The following SHANK2 variants were observed in gnomAD, a reference collection of about 807,000 sequenced individuals.
The protein encoded by SHANK2 is SH3 and multiple ankyrin repeat domains protein 2.
A neutral mutation model predicts 133.7 loss-of-function variants in SHANK2; 43 were observed. The ratio of observed to expected loss-of-function variants is 0.32; its 90% confidence interval spans 0.25 to 0.41. The LOEUF (loss-of-function observed/expected upper bound fraction) is 0.41, where lower values mean the gene tolerates loss of function less well. SHANK2 is among the 10% of genes least tolerant of loss of function. The pLI is 1.00. For missense variants in SHANK2, 1,994 were observed against 2,235.8 expected (o/e 0.89, Z 2.18); for synonymous variants, 1,017 against 952.8 (o/e 1.07, Z -1.24).
chr11:70,904,992 G>A lies in SHANK2; in HGVS notation c.1108-8425C>T, dbSNP rs147334951. ...TCTCAGGTATGTCTTTATCGGCAGC[G>A]TGAAAATGGACTAATACAGTGGGGA... On this transcript the variant is annotated intron_variant, in intron 10 of 25. Transcript: ENST00000601538. 2.8e-4 allele frequency among the ~76,000 whole-genome samples: 42 copies of A among 152,248 alleles called. No individual in the cohort carries two copies. In the East Asian group the frequency reaches 6.8e-3, roughly 25 times the overall value.
chr11:70,569,379 G>T lies in SHANK2; in HGVS notation c.2062-66448C>A, dbSNP rs186323766. On this transcript the variant is annotated intron_variant, in intron 17 of 25. Transcript: ENST00000601538. This position sits in a 1 kb window ranked among gnomAD's most constrained non-coding sequence, Gnocchi z 5.1. ...CCCCGGTTTCCAGGTGCGGTGGAGCGGGGAGCTCCGGGGCTGGCAGAGTGA... is the reference window on the plus strand; with the variant it reads ...CCCCGGTTTCCAGGTGCGGTGGAGCTGGGAGCTCCGGGGCTGGCAGAGTGA... Among the ~76,000 whole-genome samples, 2 of 152,172 alleles carry T rather than the reference G, an allele frequency of 1.3e-5. No homozygotes were observed. The highest frequency in any genetic ancestry group is 4.8e-5 in the African/African-American group (2 of 41,446).
In SHANK2 at chr11:70,749,334, T is replaced by G. The variant is rs1555036972; in HGVS notation, c.1777+49109A>C. ...CATGTGTAGGACAGGCACAAAGGAG[T>G]GGAGCAAAAGCTTAAATGAGTGATC... On this transcript the variant is annotated intron_variant, in intron 14 of 25. Transcript: ENST00000601538. Among the ~76,000 whole-genome samples the G allele has an allele frequency of 2.0e-5, 3 of 151,988 alleles. No individual in the cohort carries two copies. In the East Asian group the frequency reaches 5.8e-4, roughly 29 times the overall value.
intron 2 of SHANK2, among the ~76,000 whole-genome samples, chr11:71,161,683 T>C (rs533577687): frequency 2.6e-5 from 4 of 152,236 alleles, no homozygotes; most frequent in Admixed American, 1.3e-4. Flanking sequence ...CTTTGTGTTG[T>C]CCCACCTTTT....
intron 11 of SHANK2, among the ~76,000 whole-genome samples, chr11:70,893,713 C>T (rs1555075163): frequency 6.6e-6 from 1 of 152,158 alleles, no homozygotes; most frequent in Non-Finnish European, 1.5e-5. Context: ...TATAGATTTT[C>T]TAAACTATCC....
intron 2 of SHANK2, among the ~76,000 whole-genome samples, chr11:71,213,782 T>C (rs1187464783): frequency 6.6e-6 from 1 of 152,162 alleles, no homozygotes; most frequent in African/African-American, 2.4e-5. Context: ...GCCTTTCTGA[T>C]AAGCAAACTG....
chr11:70,529,015 G>A (rs1554972686), intron 17 of SHANK2, among the ~76,000 whole-genome samples: 2 of 152,134 alleles, frequency 1.3e-5, no homozygotes, highest in Admixed American at 6.5e-5. Flanking sequence ...GATGATGGGG[G>A]CAGATCATGG....
chr11:71,098,041 C>T (rs1427025766), intron 6 of SHANK2, among the ~76,000 whole-genome samples: 2 of 143,162 alleles, frequency 1.4e-5, no homozygotes, highest in Admixed American at 1.4e-4. Flanking sequence ...CCTGTGTGTG[C>T]ATGTGTGCAT....
At chr11:70,815,804 A>C (rs573481598) in intron 12 of SHANK2, among the ~76,000 whole-genome samples, 1 of 152,258 alleles carries the variant, frequency 6.6e-6, no homozygotes, top group African/African-American at 2.4e-5. Context: ...GCTGGTTCTG[A>C]CCACACTGCC....
intron 3 of SHANK2, among the ~76,000 whole-genome samples, chr11:71,138,808 G>GA (rs1555105263): frequency 1.5e-5 from 2 of 135,854 alleles, no homozygotes; most frequent in African/African-American, 6.2e-5. Flanking sequence ...AAAAAAAAAA[G>GA]AAAAGAAAAA....
rs1347463232 is a variant in SHANK2 at position 71,170,642 on chromosome 11, C to T, written c.-12-23304G>A. ...TCCGCTGGTGCTCCTTGCCCAGACCCCAAATAGTAGGGACCGGCTGGCAAG... is the reference window on the plus strand; with the variant it reads ...TCCGCTGGTGCTCCTTGCCCAGACCTCAAATAGTAGGGACCGGCTGGCAAG... On this transcript the variant is annotated intron_variant, in intron 2 of 25. Coordinates refer to ENST00000601538, the MANE Select transcript of SHANK2 (RefSeq NM_012309.5). Among the ~76,000 whole-genome samples the T allele has an allele frequency of 2.0e-5, 3 of 152,112 alleles. No homozygotes were observed. The East Asian group carries it at 5.8e-4, about 29-fold the overall frequency.
chr11:70,656,834 G>A (rs1334840997), intron 17 of SHANK2, among the ~76,000 whole-genome samples: 1 of 152,086 alleles, frequency 6.6e-6, no homozygotes, highest in Non-Finnish European at 1.5e-5. Context: ...GTCAACCAAG[G>A]AACAAAAACA....
At chr11:71,166,814 C>T (rs1209539521) in intron 2 of SHANK2, among the ~76,000 whole-genome samples, 11 of 146,008 alleles carry the variant, frequency 7.5e-5, no homozygotes, top group African/African-American at 2.8e-4. Flanking sequence ...TTTAATTGAT[C>T]ATTCTTGGGT....
Position 70,820,462 on chromosome 11 carries a change from C to G in SHANK2, c.1395G>C (p.Gly465=). 1 of 716,508 alleles carries G rather than the reference C, an allele frequency of 1.4e-6. No homozygotes were observed. Among genetic ancestry groups the G allele is most frequent in the Non-Finnish European group, 2.6e-6 (1 of 384,422 alleles). The allele number at this position is 716,508 out of a possible 1,614,324, so 44.4% of individuals were successfully genotyped here. The change falls in exon 12 of 26, where the codon GGG becomes GGC. Residue 465 remains glycine (G), a synonymous_variant. Coordinates refer to ENST00000601538, the MANE Select transcript of SHANK2 (RefSeq NM_012309.5). ...GGCTGCGGGGCCCGGGCACGTAGCT[C>G]CCAATGGTCTTCGCGGCCCCCTCGG... ...SKPEGAAKTI[G]SYVPGPRSRS...
intron 12 of SHANK2, among the ~76,000 whole-genome samples, chr11:70,811,855 CCCATCCAT>C (rs1312967778): frequency 6.6e-6 from 1 of 152,162 alleles, no homozygotes; most frequent in Non-Finnish European, 1.5e-5. Flanking sequence ...TACCCATCCA[CCCATCCAT>C]CTTATCATTT....
At chr11:71,232,185 A>T (rs1954752318) in intron 1 of SHANK2, among the ~76,000 whole-genome samples, 1 of 152,170 alleles carries the variant, frequency 6.6e-6, no homozygotes, top group South Asian at 2.1e-4. Flanking sequence ...AATTACAGAG[A>T]TGGAGAACAG....
chr11:70,696,431 G>C (rs923540650), intron 15 of SHANK2, among the ~76,000 whole-genome samples: 3 of 152,128 alleles, frequency 2.0e-5, no homozygotes, highest in African/African-American at 4.8e-5. Flanking sequence ...TCCTATCACA[G>C]TGTGATAGGC....
chr11:70,811,529 C>T (rs1224939391), intron 12 of SHANK2, among the ~76,000 whole-genome samples: 1 of 152,036 alleles, frequency 6.6e-6, no homozygotes, highest in Non-Finnish European at 1.5e-5. Context: ...ATCCATCCAC[C>T]CACCCACTCA....
intron 17 of SHANK2, chr11:70,635,111 A>G (rs1453624696): frequency 1.3e-5 from 2 of 152,228 alleles, no homozygotes; most frequent in African/African-American, 4.8e-5. Flanking sequence ...GCAGGAAGGT[A>G]AAGTGGTGCA....
At chr11:71,058,118 C>T in intron 9 of SHANK2, among the ~76,000 whole-genome samples, 1 of 152,154 alleles carries the variant, frequency 6.6e-6, no homozygotes, top group East Asian at 1.9e-4. Context: ...TGGTCTCAAA[C>T]TCCTGGGCTC....
Sources: gnomAD v4.1 joint callset for allele counts (sites outside exome capture counted in the v4.1 genomes callset) on GRCh38, gnomAD v4.1.1 for gene constraint, Gnocchi (gnomAD v3.1) non-coding constraint, MANE v1.5 for transcripts, NCBI Gene and HGNC (gene_info 2026-07-23, HGNC 2026-07-21) for gene names.